Variants in MYBPC3 observed in about 807,000 individuals in gnomAD.
MYBPC3 encodes the protein myosin binding protein C3, also known as myosin-binding protein C, cardiac-type.
In MYBPC3, 108 loss-of-function variants were observed where a neutral mutation model predicts 159.3. The ratio of observed to expected loss-of-function variants is 0.68; its 90% CI spans 0.58 to 0.80. The LOEUF is 0.80. Ranked by LOEUF, MYBPC3 falls within the 30% of genes least tolerant of loss-of-function variation. The pLI, the probability that MYBPC3 is intolerant of heterozygous loss-of-function variation, is 0.00. For missense variants in MYBPC3, 1,631 were observed against 1,762.1 expected, an observed-to-expected ratio of 0.93 and a Z score of 1.33; for synonymous variants, 730 against 702.0, an observed-to-expected ratio of 1.04 and a Z score of -0.63.
rs762666001 is a variant in MYBPC3 at position 47,351,547 on chromosome 11, C to T, written c.26-42G>A. The T allele has an allele frequency of 5.2e-6, 8 of 1,529,254 alleles. No homozygotes were observed. The highest frequency in any genetic ancestry group is 3.8e-5 in the South Asian group (3 of 79,156). 94.7% of individuals were successfully genotyped at this position (1,529,254 alleles called of 1,614,324 possible). On this transcript the variant is annotated intron_variant, in intron 1 of 34. Coordinates refer to ENST00000545968, the MANE Select transcript of MYBPC3 (RefSeq NM_000256.3). This position sits in a 1 kb window ranked among gnomAD's most constrained non-coding sequence, Gnocchi z 4.2. ...AGGCTACAGCGGCCCCTGGTTGGAG[C>T]GTGCACCCCGCCCCTGCAGCCCCTC...
intron 26 of MYBPC3, chr11:47,335,453 G>A (rs189431496): frequency 7.7e-4 from 263 of 342,354 alleles, no homozygotes; most frequent in Middle Eastern, 7.8e-4. Flanking sequence ...TCAGCCTCCC[G>A]CGTAGCTGGG....
Position 47,340,886 on chromosome 11 carries a change from G to A in MYBPC3, c.1927+117C>T, listed in dbSNP as rs925647028. ...GTCATGAGTGGCAAAGCTGAAGCTG[G>A]GCCCCAGGACCCCCACTTTTGATCC... On this transcript the variant is annotated intron_variant, in intron 20 of 34. Transcript: ENST00000545968. 5.0e-6 allele frequency: 6 copies of A among 1,194,330 alleles called. No individual in the cohort carries two copies. In the African/African-American group the frequency reaches 7.8e-5, roughly 16 times the overall value. The allele number at this position is 1,194,330 out of a possible 1,614,324, so 74.0% of individuals were successfully genotyped here. A position where few individuals can be genotyped will look rare whatever the true frequency, so the allele number is the denominator to read the frequency against.
At position 47,348,483 on chromosome 11, in the gene MYBPC3, C is replaced by T. The variant is rs727504396; in HGVS notation, c.713G>A (p.Arg238His). ...DAQPAFTGSY[R>H]CEVSTKDKFD... ...TTTGTCCTTGGTGGACACCTCACAG[C>T]GGTAGCTGCCAGTGAAGGCAGGCTG... The change falls in exon 6 of 35, where the codon CGC becomes CAC. Residue 238 changes from arginine (R) to histidine (H), a missense_variant. Arg to His is a conservative substitution (Grantham distance 29, BLOSUM62 0). Transcript: ENST00000545968. 3.2e-5 allele frequency: 52 copies of T among 1,613,316 alleles called. No homozygotes were observed. The highest frequency in any genetic ancestry group is 3.2e-4 in the Admixed American group (19 of 59,940).
chr11:47,332,399 G>A lies in MYBPC3; in HGVS notation c.3628-141C>T. Reference sequence around the variant, plus strand: ...TATGCCCAAGGCTGGAAACAAACATGGAACCAAGAGTGAGTACCATGGCCC... The same window carrying A: ...TATGCCCAAGGCTGGAAACAAACATAGAACCAAGAGTGAGTACCATGGCCC... On this transcript the variant is annotated intron_variant, in intron 32 of 34. Transcript: ENST00000545968. The surrounding 1 kb of genome is among the most constrained non-coding windows in gnomAD (Gnocchi z 4.2). The A allele has an allele frequency of 7.1e-7, 1 of 1,415,690 alleles. No individual in the cohort carries two copies. Among genetic ancestry groups the A allele is most frequent in the Non-Finnish European group, 9.7e-7 (1 of 1,030,346 alleles). 87.7% of individuals were successfully genotyped at this position (1,415,690 alleles called of 1,614,324 possible). A position where few individuals can be genotyped will look rare whatever the true frequency, so the allele number is the denominator to read the frequency against.
intron 33 of MYBPC3, 38 bp from the exon 34 acceptor site, chr11:47,331,919 C>T (rs749995671): frequency 6.2e-7 from 1 of 1,606,748 alleles, no homozygotes; most frequent in Non-Finnish European, 8.5e-7. Flanking sequence ...GTCCTCCCAG[C>T]CTTCTGGAAG....
chr11:47,346,427 G>C lies in MYBPC3; in HGVS notation c.927-57C>G. 2 of 1,491,970 alleles carry C rather than the reference G, an allele frequency of 1.3e-6. No individual in the cohort carries two copies. Among genetic ancestry groups the C allele is most frequent in the Non-Finnish European group, 1.8e-6 (2 of 1,115,258 alleles). The allele number at this position is 1,491,970 out of a possible 1,614,324, so 92.4% of individuals were successfully genotyped here. On this transcript the variant is annotated intron_variant, in intron 11 of 34. Transcript: ENST00000545968. This position sits in a 1 kb window ranked among gnomAD's most constrained non-coding sequence, Gnocchi z 5.3. Reference sequence around the variant, plus strand: ...GCAAGACTGCAGCCCCCTGGGCGGGGCTTCCTGGGCCCAGGACCAAGGAGC... The same window carrying C: ...GCAAGACTGCAGCCCCCTGGGCGGGCCTTCCTGGGCCCAGGACCAAGGAGC...
chr11:47,334,980 C>T (rs1343811065), intron 27 of MYBPC3, 62 bp downstream of exon 27: 2 of 1,421,958 alleles, frequency 1.4e-6, no homozygotes, highest in Admixed American at 2.6e-5. Flanking sequence ...CCCACCTCCA[C>T]TGGACACCAA....
chr11:47,344,658 G>A (rs1014231612), intron 12 of MYBPC3, among the ~76,000 whole-genome samples: 3 of 152,176 alleles, frequency 2.0e-5, no homozygotes, highest in Non-Finnish European at 4.4e-5. Context: ...GTGACCTTGC[G>A]CTAGTTCCTT....
Position 47,338,486 on chromosome 11 carries a change from T to C in MYBPC3, c.2308+34A>G. The C allele has an allele frequency of 6.2e-7, 1 of 1,613,590 alleles. No homozygotes were observed. Among genetic ancestry groups the C allele is most frequent in the Non-Finnish European group, 8.5e-7 (1 of 1,179,702 alleles). The stretch of plus-strand genomic sequence containing the variant: ...TGGGCCCTCCTTGGGGCTGCCCCTC[T>C]GTGTTCTCCAGCTTGGACCCCGGCC... On this transcript the variant is annotated intron_variant, in intron 23 of 34. Transcript: ENST00000545968. The surrounding 1 kb of genome is among the most constrained non-coding windows in gnomAD (Gnocchi z 4.7).
rs183293699 is a variant in MYBPC3, at chr11:47,344,852, A to G, written c.1091-1228T>C. Among the ~76,000 whole-genome samples, 1,072 of 152,256 alleles carry G rather than the reference A, an allele frequency of 7.0e-3. 9 individuals carry two copies. Among genetic ancestry groups the G allele is most frequent in the Non-Finnish European group, 0.012 (795 of 68,000 alleles). On this transcript the variant is annotated intron_variant, in intron 12 of 34. Transcript: ENST00000545968. ...GTCACCCAGGTTGGAGTGCAATGGC[A>G]CAATCCTGACTCACTGCAACCTCTG...
intron 18 of MYBPC3, among the ~76,000 whole-genome samples, 160 bp from the exon 19 acceptor site, chr11:47,341,404 A>C (rs889369921): frequency 2.0e-5 from 3 of 152,186 alleles, no homozygotes; most frequent in Non-Finnish European, 4.4e-5. Flanking sequence ...CTAATTTTCC[A>C]GCTTTTTAAT....
chr11:47,349,067 A>C (rs774917787), intron 5 of MYBPC3, among the ~76,000 whole-genome samples: 101 of 151,466 alleles, frequency 6.7e-4, no homozygotes, highest in Non-Finnish European at 1.1e-3. Flanking sequence ...GGTTGTGGTG[A>C]AATACAGGCT....
chr11:47,352,126 G>A (rs898378381), intron 1 of MYBPC3, among the ~76,000 whole-genome samples: 22 of 152,178 alleles, frequency 1.4e-4, no homozygotes, highest in East Asian at 3.9e-4. Context: ...GGGCCACACC[G>A]TACAGGCTCA....
Position 47,331,698 on chromosome 11 carries a change from G to A in MYBPC3, c.*45C>T. 1.2e-6 allele frequency: 1 copy of A among 828,512 alleles called. No individual in the cohort carries two copies. Among genetic ancestry groups the A allele is most frequent in the Non-Finnish European group, 1.8e-6 (1 of 546,194 alleles). The allele number at this position is 828,512 out of a possible 1,614,324, so 51.3% of individuals were successfully genotyped here. ...ACTTCCCTCCAGGCTCCTGGCACGGGGCTGGCATCCGGTTGTACCTGCAAC... is the reference window on the plus strand; with the variant it reads ...ACTTCCCTCCAGGCTCCTGGCACGGAGCTGGCATCCGGTTGTACCTGCAAC... On this transcript the variant is annotated 3_prime_UTR_variant, in exon 35 of 35. Transcript: ENST00000545968.
intron 14 of MYBPC3, 34 bp downstream of exon 14, chr11:47,343,225 GC>G (rs1235749487): frequency 1.9e-6 from 3 of 1,576,570 alleles, no homozygotes; most frequent in Non-Finnish European, 2.6e-6. Flanking sequence ...TAATCCCTGT[GC>G]CCCCCACCCC....
At chr11:47,333,412 C>T (rs1269681862) in intron 29 of MYBPC3, 79 bp from the exon 30 acceptor site, 2 of 1,496,384 alleles carry the variant, frequency 1.3e-6, no homozygotes, top group African/African-American at 1.4e-5. Flanking sequence ...GACCACCCCA[C>T]CCCTGCCAAC....
At position 47,333,018 on chromosome 11, in the gene MYBPC3, C is replaced by T. The variant is rs761988735; in HGVS notation, c.3331-45G>A. On this transcript the variant is annotated intron_variant, in intron 30 of 34. Coordinates refer to ENST00000545968, the MANE Select transcript of MYBPC3 (RefSeq NM_000256.3). Reference sequence around the variant, plus strand: ...GGAGGCATCTCTGGGCCAGGCCCTTCCTGATGCCGAGAGCCTCTCCTGGGT... The same window carrying T: ...GGAGGCATCTCTGGGCCAGGCCCTTTCTGATGCCGAGAGCCTCTCCTGGGT... 27 of 1,578,640 alleles carry T rather than the reference C, an allele frequency of 1.7e-5. No individual in the cohort carries two copies. In the East Asian group the frequency reaches 2.3e-4, roughly 13 times the overall value.
At chr11:47,350,457 C>A in intron 3 of MYBPC3, 45 bp downstream of exon 3, 1 of 1,541,412 alleles carries the variant, frequency 6.5e-7, no homozygotes, top group Non-Finnish European at 8.7e-7. Flanking sequence ...GCCCTGGACA[C>A]GCCCTACCCA....
At chr11:47,333,161 G>T in intron 30 of MYBPC3, 33 bp downstream of exon 30, 1 of 1,589,430 alleles carries the variant, frequency 6.3e-7, no homozygotes, top group Non-Finnish European at 8.6e-7. Context: ...GCCTAGGCAG[G>T]GTGCACGTGG....
Sources: gnomAD v4.1 joint callset for allele counts (sites outside exome capture counted in the v4.1 genomes callset) on GRCh38, gnomAD v4.1.1 for gene constraint, Gnocchi (gnomAD v3.1) non-coding constraint, MANE v1.5 for transcripts, NCBI Gene and HGNC (gene_info 2026-07-23, HGNC 2026-07-21) for gene names.